EXO1: variants seen among roughly 807,000 people sequenced by gnomAD.
The protein encoded by EXO1 is exonuclease 1.
In EXO1, 69 loss-of-function variants were observed where a neutral mutation model predicts 84.5. That is an observed-to-expected ratio of 0.82 (90% CI 0.67 to 1.00). The LOEUF is 1.00. Among genes scored for constraint, EXO1 ranks in the 50% least tolerant of loss-of-function variants. The pLI is 0.00. For synonymous variants in EXO1, 373 were observed against 366.1 expected (o/e 1.02, Z -0.21); for missense variants, 1,045 against 1,000.7 (o/e 1.04, Z -0.60).
In EXO1 at chr1:241,858,698, A is replaced by G; in HGVS notation, c.736A>G (p.Asn246Asp). 1 of 1,611,974 alleles carries G rather than the reference A, an allele frequency of 6.2e-7. No individual in the cohort carries two copies. Among genetic ancestry groups the G allele is most frequent in the Non-Finnish European group, 8.5e-7 (1 of 1,178,002 alleles). ...AKACKVLRLANNPDIVKVIKK... is the reference protein window; with the variant it reads ...AKACKVLRLADNPDIVKVIKK... The stretch of plus-strand genomic sequence containing the variant: ...GGCATGCAAAGTCCTAAGACTAGCC[A>G]ATAATCCAGATATAGTAAAGGTAAG... Residue 246 changes from asparagine (N) to aspartate (D), a missense_variant, in exon 8 of 16, where the codon AAT becomes GAT. By Grantham distance (23) the Asn-to-Asp change is conservative. Coordinates refer to ENST00000366548, the MANE Select transcript of EXO1 (RefSeq NM_130398.4).
At chr1:241,857,671 A>C (rs1558125760) in intron 7 of EXO1, among the ~76,000 whole-genome samples, 189 bp downstream of exon 7, 1 of 151,642 alleles carries the variant, frequency 6.6e-6, no homozygotes, top group African/African-American at 2.4e-5. Flanking sequence ...TATTTTTATA[A>C]TGTTAATAAT....
chr1:241,855,420 G>C (rs1305950986), intron 6 of EXO1, among the ~76,000 whole-genome samples: 1 of 152,182 alleles, frequency 6.6e-6, no homozygotes, highest in East Asian at 1.9e-4. Flanking sequence ...TACAAACCTT[G>C]AGCTAGATAC....
intron 10 of EXO1, among the ~76,000 whole-genome samples, chr1:241,864,505 G>A (rs555089063): frequency 6.6e-6 from 1 of 152,218 alleles, no homozygotes; most frequent in Non-Finnish European, 1.5e-5. Flanking sequence ...TCTGAAGGCA[G>A]GTAGATGTTT....
chr1:241,884,963 T>A (rs1353363464), intron 14 of EXO1, among the ~76,000 whole-genome samples: 1 of 152,110 alleles, frequency 6.6e-6, no homozygotes, highest in Non-Finnish European at 1.5e-5. Flanking sequence ...ATCCCAGCGC[T>A]TTGGGAGGCT....
intron 11 of EXO1, among the ~76,000 whole-genome samples, chr1:241,868,155 A>G (rs1422569899): frequency 6.6e-6 from 1 of 152,036 alleles, no homozygotes. Flanking sequence ...CAGGCAGATC[A>G]CTTGAGGTCA....
Position 241,879,219 on chromosome 1 carries a change from A to G in EXO1, c.1985A>G (p.Asp662Gly). The change falls in exon 13 of 16, where the codon GAT becomes GGT. Residue 662 changes from aspartate (D) to glycine (G), a missense_variant. Asp to Gly is a moderately conservative substitution (Grantham distance 94). Coordinates refer to ENST00000366548, the MANE Select transcript of EXO1 (RefSeq NM_130398.4). The stretch of plus-strand genomic sequence containing the variant: ...TTAAAGAGCGAGGAGTCCAGTGACG[A>G]TGAGTCTCATCCCTTACGAGAAGAG... ...SQLKSEESSD[D>G]ESHPLREEAC... 6.2e-7 allele frequency: 1 copy of G among 1,601,624 alleles called. No homozygotes were observed. Among genetic ancestry groups the G allele is most frequent in the Non-Finnish European group, 8.5e-7 (1 of 1,171,622 alleles).
chr1:241,885,216 A>ATAAATAAG (rs1387579895), intron 14 of EXO1, 98 bp from the exon 15 acceptor site: 2 of 642,184 alleles, frequency 3.1e-6, no homozygotes, highest in African/African-American at 3.9e-5. Flanking sequence ...CAAAAAGTAA[A>ATAAATAAG]TAAATAAATA....
At position 241,885,458 on chromosome 1, in the gene EXO1, G is replaced by A; in HGVS notation, c.2356G>A (p.Gly786Arg). Residue 786 changes from glycine (G) to arginine (R), a missense_variant, in exon 15 of 16, where the codon GGG becomes AGG. Transcript: ENST00000366548. The stretch of plus-strand genomic sequence containing the variant: ...GCATCATAATGCCGAGAACAAGCCG[G>A]GGTTACAGATCAAACTCAATGAGCT... ...RKHHNAENKP[G>R]LQIKLNELWK... The A allele has an allele frequency of 6.2e-7, 1 of 1,613,726 alleles. No homozygotes were observed. Among genetic ancestry groups the A allele is most frequent in the African/African-American group, 1.3e-5 (1 of 74,980 alleles).
intron 4 of EXO1, 52 bp downstream of exon 4, chr1:241,850,638 G>A: frequency 6.7e-7 from 1 of 1,499,140 alleles, no homozygotes; most frequent in Non-Finnish European, 9.2e-7. Context: ...GAGACCTACA[G>A]TGCCTTTTTT....
At chr1:241,867,124 A>T in intron 11 of EXO1, 69 bp downstream of exon 11, 1 of 1,160,012 alleles carries the variant, frequency 8.6e-7, no homozygotes. Flanking sequence ...TGCCCAACGC[A>T]AAGTCGCGAA....
In EXO1 at chr1:241,885,390, C is replaced by T. The variant is rs1208364791; in HGVS notation, c.2288C>T (p.Ala763Val). The T allele has an allele frequency of 6.2e-7, 1 of 1,613,510 alleles. No individual in the cohort carries two copies. Among genetic ancestry groups the T allele is most frequent in the Non-Finnish European group, 8.5e-7 (1 of 1,179,720 alleles). ...ATCAAACCTCTAGGACCTGCCAGAG[C>T]CAGTGGGCTGAGCAAGAAGCCGGCA... Reference protein sequence around the residue: ...TKIKPLGPARASGLSKKPASI... With the variant: ...TKIKPLGPARVSGLSKKPASI... Residue 763 changes from alanine to valine, a missense_variant, in exon 15 of 16, where the codon GCC (alanine) becomes GTC (valine). Ala to Val is a moderately conservative substitution (Grantham distance 64, BLOSUM62 0). Coordinates refer to ENST00000366548, the MANE Select transcript of EXO1 (RefSeq NM_130398.4).
intron 4 of EXO1, 74 bp from the exon 5 acceptor site, chr1:241,852,218 A>C (rs1358915394): frequency 3.8e-6 from 5 of 1,333,282 alleles, no homozygotes; most frequent in Non-Finnish European, 5.3e-6. Flanking sequence ...TAGTTTTCTC[A>C]TCTGGCCTAA....
chr1:241,873,496 T>C (rs1361915034), intron 12 of EXO1, among the ~76,000 whole-genome samples: 1 of 152,048 alleles, frequency 6.6e-6, no homozygotes, highest in East Asian at 1.9e-4. Context: ...CTTCCCCCTC[T>C]TTTTTTTCTA....
intron 11 of EXO1, 112 bp from the exon 12 acceptor site, chr1:241,871,920 T>TA: frequency 2.7e-6 from 2 of 733,378 alleles, no homozygotes; most frequent in Admixed American, 6.2e-5. Flanking sequence ...AGTTTTTTTT[T>TA]TTTTTTTTTA....
chr1:241,852,640 A>G (rs911037408), intron 5 of EXO1, among the ~76,000 whole-genome samples: 2 of 152,172 alleles, frequency 1.3e-5, no homozygotes, highest in East Asian at 3.8e-4. Flanking sequence ...TGGGCAACAT[A>G]GTGAGACCCC....
intron 6 of EXO1, among the ~76,000 whole-genome samples, chr1:241,855,173 G>A (rs1332050280): frequency 6.6e-6 from 1 of 152,132 alleles, no homozygotes; most frequent in Non-Finnish European, 1.5e-5. Flanking sequence ...CTCTTATCTG[G>A]CCCCACCCAC....
intron 7 of EXO1, 29 bp from the exon 8 acceptor site, chr1:241,858,477 G>A: frequency 1.4e-6 from 2 of 1,477,676 alleles, no homozygotes; most frequent in African/African-American, 1.4e-5. Context: ...GGCCCTTCTA[G>A]GTATTAACAA....
At chr1:241,881,867 C>T in intron 13 of EXO1, 49 bp from the exon 14 acceptor site, 1 of 910,848 alleles carries the variant, frequency 1.1e-6, no homozygotes, top group Non-Finnish European at 1.8e-6. Flanking sequence ...CATAAAAATT[C>T]TACAGTAAAA....
intron 12 of EXO1, among the ~76,000 whole-genome samples, chr1:241,873,927 G>C (rs910657878): frequency 6.6e-5 from 10 of 152,134 alleles, no homozygotes; most frequent in African/African-American, 2.4e-4. Context: ...TGTAAAGATG[G>C]GGGGCAGCAT....
Sources: allele counts gnomAD v4.1 joint callset (sites outside exome capture counted in the v4.1 genomes callset), GRCh38; gene constraint gnomAD v4.1.1; transcripts MANE v1.5; gene names NCBI Gene and HGNC (gene_info 2026-07-23, HGNC 2026-07-21).